SPON1: variants seen among roughly 807,000 people sequenced by gnomAD.
SPON1 encodes spondin-1.
A neutral mutation model predicts 111.7 loss-of-function variants in SPON1; 52 were observed. That is an observed-to-expected ratio of 0.47 (90% CI 0.37 to 0.59). SPON1 has a LOEUF of 0.59. Among genes scored for constraint, SPON1 ranks in the 20% least tolerant of loss-of-function variants. The pLI is 0.00. For missense variants in SPON1, 957 were observed against 1,068.5 expected (o/e 0.90, Z 1.46); for synonymous variants, 410 against 395.8 (o/e 1.04, Z -0.43).
At chr11:14,122,957 A>AGGATC (rs1847412150) in intron 5 of SPON1, among the ~76,000 whole-genome samples, 1 of 135,120 alleles carries the variant, frequency 7.4e-6, no homozygotes, top group Non-Finnish European at 1.6e-5. Flanking sequence ...TTTTTGAGAC[A>AGGATC]GGATCTCCTT....
chr11:14,042,894 C>A (rs1364366449), intron 3 of SPON1, among the ~76,000 whole-genome samples: 1 of 152,194 alleles, frequency 6.6e-6, no homozygotes, highest in African/African-American at 2.4e-5. Flanking sequence ...ATTGTCTGGC[C>A]TCCCTTTGCC....
At chr11:14,035,129 G>T (rs1848584950) in intron 2 of SPON1, among the ~76,000 whole-genome samples, 1 of 152,166 alleles carries the variant, frequency 6.6e-6, no homozygotes, top group Non-Finnish European at 1.5e-5. Context: ...GTGGAGTGGG[G>T]TCTTTTGTTG....
chr11:14,062,580 G>T (rs988541075), intron 3 of SPON1, among the ~76,000 whole-genome samples: 11 of 152,160 alleles, frequency 7.2e-5, no homozygotes, highest in African/African-American at 2.7e-4. Flanking sequence ...AGAGTGAATT[G>T]TAGATTTTCA....
At chr11:14,084,549 T>A (rs1848990513) in intron 5 of SPON1, among the ~76,000 whole-genome samples, 1 of 152,246 alleles carries the variant, frequency 6.6e-6, no homozygotes, top group Non-Finnish European at 1.5e-5. Context: ...AGTCTATCAC[T>A]GATGGGCATT....
At position 14,090,427 on chromosome 11, in the gene SPON1, G is replaced by A. The variant is rs184923788; in HGVS notation, c.676+10406G>A. 2.9e-4 allele frequency among the ~76,000 whole-genome samples: 44 copies of A among 152,238 alleles called. No individual in the cohort carries two copies. The East Asian group carries it at 7.3e-3, about 25-fold the overall frequency. On this transcript the variant is annotated intron_variant, in intron 5 of 15. Transcript: ENST00000576479. ...TCACTGACTTCAAGAATGAAGCCGC[G>A]GACCCTCGTAGTGAGTGTTACAGCT...
intron 6 of SPON1, among the ~76,000 whole-genome samples, chr11:14,141,004 C>A (rs1847647617): frequency 6.7e-6 from 1 of 149,474 alleles, no homozygotes; most frequent in Non-Finnish European, 1.5e-5. Flanking sequence ...TTTAAAACAT[C>A]CACTGTATGC....
chr11:13,982,733 G>T lies in SPON1; in HGVS notation c.239-114G>T, dbSNP rs1175589599. ...GATGAAGGCCTCAACACTGTCCACG[G>T]CCTCTGTAACTCACAGGTCTGGGAT... is the stretch of plus-strand genomic sequence containing the variant. On this transcript the variant is annotated intron_variant, in intron 1 of 15. Transcript: ENST00000576479. The T allele has an allele frequency of 4.2e-6, 3 of 717,632 alleles. No homozygotes were observed. The Admixed American group carries it at 6.7e-5, about 16-fold the overall frequency. The allele number at this position is 717,632 out of a possible 1,614,324, so 44.5% of individuals were successfully genotyped here.
intron 5 of SPON1, among the ~76,000 whole-genome samples, chr11:14,128,766 G>T (rs1042923369): frequency 2.0e-5 from 3 of 152,236 alleles, no homozygotes; most frequent in Non-Finnish European, 4.4e-5. Context: ...CTTCTGCCTG[G>T]ACATCCAGGC....
At chr11:14,075,275 G>A (rs896113347) in intron 3 of SPON1, 70 bp from the exon 4 acceptor site, 115 of 1,199,582 alleles carry the variant, frequency 9.6e-5, no homozygotes, top group South Asian at 7.8e-4. Flanking sequence ...CAGGGACTAT[G>A]TCTGACTGAT....
At chr11:14,132,175 G>A (rs1847536480) in intron 5 of SPON1, among the ~76,000 whole-genome samples, 1 of 152,122 alleles carries the variant, frequency 6.6e-6, no homozygotes, top group Non-Finnish European at 1.5e-5. Flanking sequence ...CTACTAGGGA[G>A]GCTGAGGCAA....
chr11:14,001,607 A>G (rs1260978860), intron 2 of SPON1, among the ~76,000 whole-genome samples: 5 of 152,244 alleles, frequency 3.3e-5, no homozygotes, highest in Admixed American at 3.3e-4. Context: ...TTTAATCAAA[A>G]GATAGACCGT....
chr11:13,968,579 T>C (rs1219600468), intron 1 of SPON1, among the ~76,000 whole-genome samples: 1 of 152,260 alleles, frequency 6.6e-6, no homozygotes, highest in African/African-American at 2.4e-5. Context: ...CTATTTTCAC[T>C]TATGTTAATG....
chr11:14,177,122 G>A (rs1269276019), intron 6 of SPON1, among the ~76,000 whole-genome samples: 2 of 152,110 alleles, frequency 1.3e-5, no homozygotes, highest in South Asian at 2.1e-4. Flanking sequence ...CTCACTGCAA[G>A]CTCCGCTTCC....
chr11:14,081,130 T>C (rs1358141351), intron 5 of SPON1, among the ~76,000 whole-genome samples: 1 of 151,846 alleles, frequency 6.6e-6, no homozygotes, highest in South Asian at 2.1e-4. Context: ...AGATAGCCAA[T>C]ACAAAGCCAT....
At chr11:14,202,675 T>C (rs1418059911) in intron 6 of SPON1, among the ~76,000 whole-genome samples, 4 of 152,228 alleles carry the variant, frequency 2.6e-5, no homozygotes, top group East Asian at 1.9e-4. Context: ...CTTTCAATCA[T>C]GCCAGACCCG....
chr11:14,116,265 G>A (rs1028839373), intron 5 of SPON1, among the ~76,000 whole-genome samples: 12 of 151,528 alleles, frequency 7.9e-5, no homozygotes, highest in African/African-American at 2.9e-4. Context: ...TCTTTTTTTT[G>A]TTCATGATTA....
chr11:14,256,717 G>C, intron 10 of SPON1, 25 bp downstream of exon 10: 2 of 1,583,884 alleles, frequency 1.3e-6, no homozygotes, highest in Non-Finnish European at 1.7e-6. Flanking sequence ...TTTGTTGCAG[G>C]TGGCAACATA....
intron 6 of SPON1, among the ~76,000 whole-genome samples, chr11:14,161,209 T>TC (rs1847953600): frequency 4.2e-5 from 2 of 47,680 alleles, no homozygotes; most frequent in African/African-American, 7.8e-5. Flanking sequence ...ATTTATATAT[T>TC]TATATATATC....
intron 6 of SPON1, among the ~76,000 whole-genome samples, chr11:14,177,303 G>C (rs1848188433): frequency 6.6e-6 from 1 of 152,150 alleles, no homozygotes; most frequent in Non-Finnish European, 1.5e-5. Context: ...GCCTCCCAAA[G>C]TGCTGGGATT....
Sources: gnomAD v4.1 joint callset for allele counts (sites outside exome capture counted in the v4.1 genomes callset) on GRCh38, gnomAD v4.1.1 for gene constraint, MANE v1.5 for transcripts, NCBI Gene and HGNC (gene_info 2026-07-23, HGNC 2026-07-21) for gene names.